Variants in TP53BP2 observed in about 807,000 individuals in gnomAD.
TP53BP2 encodes the protein tumor protein p53 binding protein 2, also known as apoptosis-stimulating of p53 protein 2.
Under a neutral mutation model 126.2 loss-of-function variants are expected in TP53BP2, and 62 were observed. The observed-to-expected ratio is 0.49, with a 90% CI of 0.40 to 0.61. The LOEUF (loss-of-function observed/expected upper bound fraction) is 0.61, where lower values mean the gene tolerates loss of function less well. TP53BP2 is among the 20% of genes least tolerant of loss of function. The probability of loss-of-function intolerance (pLI) is 0.00; values close to 1 mark genes in which losing one functional copy is unlikely to be tolerated. For synonymous variants in TP53BP2, 485 were observed against 502.9 expected (o/e 0.96, Z 0.48); for missense variants, 1,215 against 1,402.8 (o/e 0.87, Z 2.14).
chr1:223,830,220 C>T (rs1663648958), intron 1 of TP53BP2, among the ~76,000 whole-genome samples: 2 of 152,050 alleles, frequency 1.3e-5, no homozygotes. Context: ...AGTTGAGCAC[C>T]CCAATCCAAA....
At chr1:223,837,781 G>A (rs992654462) in intron 1 of TP53BP2, among the ~76,000 whole-genome samples, 2 of 152,012 alleles carry the variant, frequency 1.3e-5, no homozygotes, top group South Asian at 2.1e-4. Flanking sequence ...TGTCACTTTT[G>A]CTAACTAAAC....
In TP53BP2 at chr1:223,798,386, G is replaced by A. The variant is rs1476588173; in HGVS notation, c.1777C>T (p.Pro593Ser). 3 of 1,614,050 alleles carry A rather than the reference G, an allele frequency of 1.9e-6. No individual in the cohort carries two copies. The highest frequency in any genetic ancestry group is 2.7e-5 in the African/African-American group (2 of 74,908). Residue 593 changes from proline (P) to serine (S), a missense_variant, in exon 12 of 18, where the codon CCC (proline) becomes TCC (serine). Transcript: ENST00000343537. ...AGTAAGGTGTCTTTGGAAGGCTGGG[G>A]AGTAAAGGGCCGGACGGCAGCAGCA... ...PPAAAVRPFT[P>S]QPSKDTLLPP...
chr1:223,839,948 C>T, intron 1 of TP53BP2, among the ~76,000 whole-genome samples: 1 of 150,040 alleles, frequency 6.7e-6, no homozygotes, highest in South Asian at 2.1e-4. Flanking sequence ...TAAAAAAAAA[C>T]AACAACAAGT....
At position 223,845,671 on chromosome 1, in the gene TP53BP2, C is replaced by T; in HGVS notation, c.10G>A (p.Gly4Arg). The change falls in exon 1 of 18, where the codon GGG becomes AGG. Residue 4 changes from glycine (G) to arginine (R), a missense_variant. Gly to Arg is a moderately radical substitution (Grantham distance 125). Coordinates refer to ENST00000343537, the MANE Select transcript of TP53BP2 (RefSeq NM_001031685.3). ...CCACTTACCGGCATCATCTTGGACC[C>T]GAACCGCATGGAAGCGGGTGGCCAG... MRF[G>R]SKMMPMFLTV... 6.4e-7 allele frequency: 1 copy of T among 1,551,608 alleles called. No homozygotes were observed.
Position 223,817,207 on chromosome 1 carries a change from G to T in TP53BP2, c.176-2854C>A, listed in dbSNP as rs115136918. On this transcript the variant is annotated intron_variant, in intron 2 of 17. Transcript: ENST00000343537. The stretch of plus-strand genomic sequence containing the variant: ...CACATCAATTACTGCATGTGGAGGA[G>T]GGGGAGGGAAAGGAGGAGGGGGAGA... Among the ~76,000 whole-genome samples, 1,038 of 137,370 alleles carry T rather than the reference G, an allele frequency of 7.6e-3. 26 individuals carry two copies. The highest frequency in any genetic ancestry group is 0.028 in the African/African-American group (993 of 35,914). The allele number at this position is 137,370 out of a possible 152,430, so 90.1% of individuals were successfully genotyped here. A position where few individuals can be genotyped will look rare whatever the true frequency, so the allele number is the denominator to read the frequency against.
intron 2 of TP53BP2, among the ~76,000 whole-genome samples, chr1:223,819,521 C>T (rs1663225051): frequency 6.6e-6 from 1 of 151,788 alleles, no homozygotes; most frequent in Non-Finnish European, 1.5e-5. Context: ...CCTGTCTCTA[C>T]TAAAAATACA....
In TP53BP2 at chr1:223,803,227, T is replaced by C. The variant is rs755915757; in HGVS notation, c.831+44A>G. The C allele has an allele frequency of 1.2e-5, 18 of 1,555,042 alleles. No individual in the cohort carries two copies. In the Middle Eastern group the frequency reaches 7.1e-4, roughly 61 times the overall value. On this transcript the variant is annotated intron_variant, in intron 7 of 17. Coordinates refer to ENST00000343537, the MANE Select transcript of TP53BP2 (RefSeq NM_001031685.3). ...CTACTTATATGAGCAACTCTGTTTC[T>C]GGAAAGGAGGTTGTACAGCTTTTGG... is the stretch of plus-strand genomic sequence containing the variant.
rs1661715327 is a variant in TP53BP2, at chr1:223,780,000, C to G, written c.*853G>C. The G allele has an allele frequency of 1.3e-5, 2 of 152,138 alleles. No homozygotes were observed. The highest frequency in any genetic ancestry group is 4.8e-5 in the African/African-American group (2 of 41,436). The allele number at this position is 152,138 out of a possible 1,614,324, so 9.4% of individuals were successfully genotyped here. On this transcript the variant is annotated 3_prime_UTR_variant, in exon 18 of 18. Coordinates refer to ENST00000343537, the MANE Select transcript of TP53BP2 (RefSeq NM_001031685.3). The stretch of plus-strand genomic sequence containing the variant: ...ATATACTTATGTTAAGCAGTTTGTT[C>G]TTTTTCAGCTGGGTATGATATCCCA...
At chr1:223,803,145 T>C (rs896395366) in intron 7 of TP53BP2, 126 bp downstream of exon 7, 4 of 1,197,558 alleles carry the variant, frequency 3.3e-6, no homozygotes, top group Non-Finnish European at 3.5e-6. Context: ...GAGTTTGGGT[T>C]CCCCCCACAA....
rs1468266944 is a variant in TP53BP2 at position 223,780,828 on chromosome 1, T to C, written c.*25A>G. On this transcript the variant is annotated 3_prime_UTR_variant, in exon 18 of 18. Transcript: ENST00000343537. Reference sequence around the variant, plus strand: ...CTTCTTAACAGAGATTAATTCTTCATTGACTAAAATTCTGTGTGGAAGTTT... The same window carrying C: ...CTTCTTAACAGAGATTAATTCTTCACTGACTAAAATTCTGTGTGGAAGTTT... 3.7e-6 allele frequency: 6 copies of C among 1,610,956 alleles called. No individual in the cohort carries two copies. Among genetic ancestry groups the C allele is most frequent in the East Asian group, 2.2e-5 (1 of 44,880 alleles).
intron 16 of TP53BP2, among the ~76,000 whole-genome samples, chr1:223,784,833 T>G (rs1661895581): frequency 6.6e-6 from 1 of 152,128 alleles, no homozygotes; most frequent in Admixed American, 6.5e-5. Flanking sequence ...AAAATATATA[T>G]AGAATATGTT....
chr1:223,793,506 G>C, intron 13 of TP53BP2, 66 bp from the exon 14 acceptor site: 1 of 1,414,298 alleles, frequency 7.1e-7, no homozygotes, highest in Non-Finnish European at 9.3e-7. Context: ...GCAGCAAATG[G>C]GAAGGAATGA....
chr1:223,828,892 A>G (rs1220453608), intron 1 of TP53BP2, among the ~76,000 whole-genome samples: 1 of 152,194 alleles, frequency 6.6e-6, no homozygotes, highest in East Asian at 1.9e-4. Context: ...AATGTTCTGT[A>G]ATTAGTGGTG....
chr1:223,803,040 T>G, intron 7 of TP53BP2, 145 bp from the exon 8 acceptor site: 2 of 968,930 alleles, frequency 2.1e-6, no homozygotes, highest in Non-Finnish European at 3.0e-6. Flanking sequence ...TGGTTTAAAA[T>G]TAAGTGACAC....
chr1:223,804,068 G>C (rs1398186520), intron 6 of TP53BP2, 106 bp downstream of exon 6: 1 of 1,224,446 alleles, frequency 8.2e-7, no homozygotes, highest in African/African-American at 1.5e-5. Context: ...AGGATCACTT[G>C]AGGCCACGGT....
At chr1:223,842,301 G>A (rs1368909097) in intron 1 of TP53BP2, among the ~76,000 whole-genome samples, 2 of 152,174 alleles carry the variant, frequency 1.3e-5, no homozygotes, top group Admixed American at 1.3e-4. Context: ...TGACTGCATT[G>A]TCATACAGTA....
chr1:223,840,880 G>C (rs927501159), intron 1 of TP53BP2, among the ~76,000 whole-genome samples: 1 of 152,174 alleles, frequency 6.6e-6, no homozygotes, highest in Non-Finnish European at 1.5e-5. Flanking sequence ...CTCTGAAACA[G>C]GTAAAAATAC....
At position 223,798,540 on chromosome 1, in the gene TP53BP2, T is replaced by C. The variant is rs1662416908; in HGVS notation, c.1623A>G (p.Thr541=). 1 of 1,614,090 alleles carries C rather than the reference T, an allele frequency of 6.2e-7. No individual in the cohort carries two copies. The highest frequency in any genetic ancestry group is 1.3e-5 in the African/African-American group (1 of 74,934). ...GTTTAGTTCCCATGGACGGAACAAC[T>C]GTTGACAACTGCTGAGAACTTCCGT... is the stretch of plus-strand genomic sequence containing the variant. The part of the protein sequence containing the change: ...KPDGSSQQLS[T]VVPSMGTKPK... The change falls in exon 12 of 18, where the codon ACA becomes ACG. Residue 541 remains threonine, a synonymous_variant. Transcript: ENST00000343537.
intron 1 of TP53BP2, among the ~76,000 whole-genome samples, chr1:223,837,278 G>A (rs990472743): frequency 1.3e-5 from 2 of 152,004 alleles, no homozygotes; most frequent in African/African-American, 4.8e-5. Flanking sequence ...TGGCTTCCTT[G>A]AGAAACCTGA....
Sources: allele counts gnomAD v4.1 joint callset (sites outside exome capture counted in the v4.1 genomes callset), GRCh38; gene constraint gnomAD v4.1.1; transcripts MANE v1.5; gene names NCBI Gene and HGNC (gene_info 2026-07-23, HGNC 2026-07-21).